Variants in ST8SIA6 observed in about 807,000 individuals in gnomAD.
ST8SIA6 encodes alpha-2,8-sialyltransferase 8F.
ST8SIA6 carries 39 observed loss-of-function variants against 33.6 expected under a neutral mutation model. The ratio of observed to expected loss-of-function variants is 1.16; its 90% confidence interval spans 0.90 to 1.52. ST8SIA6 has a LOEUF of 1.52. Ranked by LOEUF, ST8SIA6 falls within the 40% of genes most tolerant of loss-of-function variation. The probability of loss-of-function intolerance (pLI) is 0.00; values close to 1 mark genes in which losing one functional copy is unlikely to be tolerated. For missense variants in ST8SIA6, 441 were observed against 443.8 expected (o/e 0.99, Z 0.06); for synonymous variants, 172 against 167.2 (o/e 1.03, Z -0.22).
In ST8SIA6 at chr10:17,320,514, A is replaced by G. The variant is rs76116634; in HGVS notation, c.*364T>C. 1,215 of 232,294 alleles carry G rather than the reference A, an allele frequency of 5.2e-3. 14 individuals are homozygous for G. Among genetic ancestry groups the G allele is most frequent in the African/African-American group, 0.026 (1,138 of 43,530 alleles). The allele number at this position is 232,294 out of a possible 1,614,324, so 14.4% of individuals were successfully genotyped here. A position where few individuals can be genotyped will look rare whatever the true frequency, so the allele number is the denominator to read the frequency against. On this transcript the variant is annotated 3_prime_UTR_variant, in exon 8 of 8. Coordinates refer to ENST00000377602, the MANE Select transcript of ST8SIA6 (RefSeq NM_001004470.3). ...CTGGTAATGCAGCTATTCTCTTTAG[A>G]AGAGATCTCCAAGAAAGCATGCTTT...
At chr10:17,448,560 T>C (rs115435841) in intron 2 of ST8SIA6, among the ~76,000 whole-genome samples, 3,660 of 152,218 alleles carry the variant, frequency 0.024, 176 homozygotes, top group African/African-American at 0.084. Flanking sequence ...ATTGGATATT[T>C]GGGTACTCAC....
intron 5 of ST8SIA6, among the ~76,000 whole-genome samples, chr10:17,328,079 G>C (rs1241178395): frequency 6.6e-6 from 1 of 151,944 alleles, no homozygotes; most frequent in African/African-American, 2.4e-5. Flanking sequence ...AATTAGAATG[G>C]CAAAACCCCA....
chr10:17,370,509 T>C (rs1394593811), intron 3 of ST8SIA6, among the ~76,000 whole-genome samples: 1 of 152,226 alleles, frequency 6.6e-6, no homozygotes, highest in Non-Finnish European at 1.5e-5. Context: ...ATGTGGTTGC[T>C]CTAAGGTTTA....
chr10:17,378,450 A>G (rs541990627), intron 3 of ST8SIA6, among the ~76,000 whole-genome samples: 6 of 152,212 alleles, frequency 3.9e-5, no homozygotes, highest in Non-Finnish European at 8.8e-5. Context: ...GTCAAGGAAT[A>G]TAGCCAGCTT....
At chr10:17,447,490 T>A (rs577687615) in intron 2 of ST8SIA6, among the ~76,000 whole-genome samples, 2 of 149,596 alleles carry the variant, frequency 1.3e-5, no homozygotes, top group Middle Eastern at 3.5e-3. Context: ...TGCCCTCAAA[T>A]ATCTAAAGTT....
intron 2 of ST8SIA6, among the ~76,000 whole-genome samples, chr10:17,440,917 A>G (rs530065801): frequency 6.6e-6 from 1 of 152,264 alleles, no homozygotes. Context: ...TTTGCTGAAG[A>G]TAGGTCTTCA....
chr10:17,360,589 G>T (rs1412561608), intron 3 of ST8SIA6, among the ~76,000 whole-genome samples: 2 of 151,032 alleles, frequency 1.3e-5, no homozygotes, highest in Non-Finnish European at 3.0e-5. Flanking sequence ...CCAGAAAGAG[G>T]TGGGGGTGGG....
chr10:17,422,990 T>C (rs1851824612), intron 2 of ST8SIA6, among the ~76,000 whole-genome samples: 1 of 152,102 alleles, frequency 6.6e-6, no homozygotes, highest in African/African-American at 2.4e-5. Flanking sequence ...ATGATGAAAA[T>C]CCCGTTCAAT....
At chr10:17,384,290 T>C (rs760087207) in intron 3 of ST8SIA6, among the ~76,000 whole-genome samples, 11 of 152,198 alleles carry the variant, frequency 7.2e-5, no homozygotes, top group Admixed American at 2.0e-4. Flanking sequence ...CGTAAGTATT[T>C]GATGGCACAA....
chr10:17,438,033 C>A (rs1852345649), intron 2 of ST8SIA6, among the ~76,000 whole-genome samples: 1 of 152,060 alleles, frequency 6.6e-6, no homozygotes, highest in African/African-American at 2.4e-5. Context: ...CTGGCCATGC[C>A]CCCCTGTTTC....
At chr10:17,346,643 G>A (rs1424382963) in intron 4 of ST8SIA6, among the ~76,000 whole-genome samples, 1 of 152,160 alleles carries the variant, frequency 6.6e-6, no homozygotes, top group Non-Finnish European at 1.5e-5. Context: ...AGCCCAGGCA[G>A]CCCACGGAAC....
intron 2 of ST8SIA6, among the ~76,000 whole-genome samples, chr10:17,450,450 T>G (rs1273689876): frequency 1.3e-5 from 2 of 152,254 alleles, no homozygotes; most frequent in South Asian, 4.1e-4. Flanking sequence ...CTTTTTCTTT[T>G]TTTCTTTTGA....
chr10:17,405,491 A>G (rs1019042832), intron 2 of ST8SIA6, among the ~76,000 whole-genome samples: 2 of 151,462 alleles, frequency 1.3e-5, no homozygotes, highest in Non-Finnish European at 2.9e-5. Context: ...ACATATTTGA[A>G]TCAAATAAAC....
In ST8SIA6 at chr10:17,316,979, A is replaced by C. The variant is rs1401044741; in HGVS notation, c.*3899T>G. ...AGTCATAGCCATCCTTTCTTAACCC[A>C]ACTATTTAAAAAGATATTTTTGGGT... is the stretch of plus-strand genomic sequence containing the variant. On this transcript the variant is annotated 3_prime_UTR_variant, in exon 8 of 8. Coordinates refer to ENST00000377602, the MANE Select transcript of ST8SIA6 (RefSeq NM_001004470.3). 1.3e-5 allele frequency among the ~76,000 whole-genome samples: 2 copies of C among 151,732 alleles called. No individual in the cohort carries two copies. The highest frequency in any genetic ancestry group is 4.9e-5 in the African/African-American group (2 of 41,046).
chr10:17,388,332 C>T (rs1289801107), intron 3 of ST8SIA6, among the ~76,000 whole-genome samples: 1 of 152,178 alleles, frequency 6.6e-6, no homozygotes, highest in African/African-American at 2.4e-5. Context: ...GTCTCTTCCT[C>T]TAAGCAAATA....
chr10:17,444,703 A>G (rs1003445389), intron 2 of ST8SIA6, among the ~76,000 whole-genome samples: 2 of 152,242 alleles, frequency 1.3e-5, no homozygotes, highest in African/African-American at 2.4e-5. Context: ...GAGGTGACAA[A>G]GAATGAAAGC....
chr10:17,435,678 A>T (rs1852230224), intron 2 of ST8SIA6, among the ~76,000 whole-genome samples: 1 of 117,654 alleles, frequency 8.5e-6, no homozygotes, highest in African/African-American at 3.3e-5. Context: ...ACAGCATTTC[A>T]GCCCTGACTT....
chr10:17,386,095 C>G lies in ST8SIA6; in HGVS notation c.290+4436G>C, dbSNP rs367726261. Among the ~76,000 whole-genome samples the G allele has an allele frequency of 1.4e-3, 207 of 152,150 alleles. 2 individuals are homozygous for G. The East Asian group carries it at 0.026, about 19-fold the overall frequency. ...ATTCAGGAAGCTGAGGCAGGAGGAT[C>G]GCTTGAATACAGCAGGTCAAGGCTG... On this transcript the variant is annotated intron_variant, in intron 3 of 7. Transcript: ENST00000377602.
At chr10:17,326,268 G>A (rs1410534803) in intron 6 of ST8SIA6, among the ~76,000 whole-genome samples, 2 of 152,136 alleles carry the variant, frequency 1.3e-5, no homozygotes, top group East Asian at 3.8e-4. Context: ...TGAAATCAGT[G>A]CTCCTAAAAC....
Sources: gnomAD v4.1 joint callset for allele counts (sites outside exome capture counted in the v4.1 genomes callset) on GRCh38, gnomAD v4.1.1 for gene constraint, MANE v1.5 for transcripts, NCBI Gene and HGNC (gene_info 2026-07-23, HGNC 2026-07-21) for gene names.